The following FGF10 variants were observed in gnomAD, a reference collection of about 807,000 sequenced individuals.
FGF10 encodes FGF-10.
FGF10 carries 2 observed loss-of-function variants against 19.8 expected under a neutral mutation model. That is an observed-to-expected ratio of 0.10 (90% CI 0.04 to 0.32). FGF10 has a LOEUF of 0.32. Ranked by LOEUF, FGF10 falls within the 10% of genes least tolerant of loss-of-function variation. The probability of loss-of-function intolerance (pLI) is 1.00; values close to 1 mark genes in which losing one functional copy is unlikely to be tolerated. For synonymous variants in FGF10, 112 were observed against 94.0 expected, an observed-to-expected ratio of 1.19 and a Z score of -1.10; for missense variants, 191 against 246.3, an observed-to-expected ratio of 0.78 and a Z score of 1.50.
chr5:44,313,030 C>G (rs368050894), intron 1 of FGF10, among the ~76,000 whole-genome samples: 7 of 152,004 alleles, frequency 4.6e-5, no homozygotes, highest in African/African-American at 1.7e-4. Context: ...TTCAAAGACT[C>G]AATCAACCAT....
intron 1 of FGF10, among the ~76,000 whole-genome samples, chr5:44,337,035 AAGAT>A (rs1387444796): frequency 6.6e-6 from 1 of 152,170 alleles, no homozygotes; most frequent in African/African-American, 2.4e-5. Context: ...TATCTTAAAT[AAGAT>A]AGAGTACCAC....
intron 1 of FGF10, among the ~76,000 whole-genome samples, chr5:44,335,193 A>G (rs1740818887): frequency 6.6e-6 from 1 of 152,048 alleles, no homozygotes; most frequent in African/African-American, 2.4e-5. Context: ...TGTGGCTCAT[A>G]ACATAACAAT....
At chr5:44,327,685 A>G (rs1740644849) in intron 1 of FGF10, among the ~76,000 whole-genome samples, 1 of 152,176 alleles carries the variant, frequency 6.6e-6, no homozygotes, top group South Asian at 2.1e-4. Flanking sequence ...TCCTCTAGAC[A>G]ACAAACAGCT....
At chr5:44,352,839 A>T (rs1741265238) in intron 1 of FGF10, among the ~76,000 whole-genome samples, 2 of 151,602 alleles carry the variant, frequency 1.3e-5, no homozygotes, top group African/African-American at 4.8e-5. Flanking sequence ...CTGAGATTTG[A>T]ACGAGTTAAT....
At chr5:44,317,719 T>C (rs979213024) in intron 1 of FGF10, among the ~76,000 whole-genome samples, 1 of 152,186 alleles carries the variant, frequency 6.6e-6, no homozygotes. Context: ...TTTGGTAAAC[T>C]TGACTTTTTT....
At chr5:44,327,290 T>C (rs1373083643) in intron 1 of FGF10, among the ~76,000 whole-genome samples, 1 of 152,176 alleles carries the variant, frequency 6.6e-6, no homozygotes, top group African/African-American at 2.4e-5. Context: ...TCTTGTGACT[T>C]GTATGCTATA....
At chr5:44,329,863 C>T (rs185885711) in intron 1 of FGF10, among the ~76,000 whole-genome samples, 31 of 152,214 alleles carry the variant, frequency 2.0e-4, no homozygotes, top group Admixed American at 8.5e-4. Context: ...TGTGAATTTG[C>T]GCTAAATTCC....
At chr5:44,347,479 G>T (rs529779168) in intron 1 of FGF10, among the ~76,000 whole-genome samples, 1 of 151,648 alleles carries the variant, frequency 6.6e-6, no homozygotes, top group Non-Finnish European at 1.5e-5. Flanking sequence ...ACATCTTAGG[G>T]CAGTATGAAT....
At chr5:44,317,435 C>T (rs1740375995) in intron 1 of FGF10, among the ~76,000 whole-genome samples, 1 of 152,138 alleles carries the variant, frequency 6.6e-6, no homozygotes, top group Admixed American at 6.6e-5. Context: ...GATCCCAAAA[C>T]ACTTGTCAAT....
At chr5:44,357,064 G>GT (rs1741365178) in intron 1 of FGF10, among the ~76,000 whole-genome samples, 1 of 151,132 alleles carries the variant, frequency 6.6e-6, no homozygotes, top group African/African-American at 2.4e-5. Context: ...GTATGTGTAG[G>GT]TAAGAGATGC....
chr5:44,388,841 ACTC>A lies in FGF10; in HGVS notation c.-162_-160del. On this transcript the variant is annotated 5_prime_UTR_variant, in exon 1 of 3. Coordinates refer to ENST00000264664, the MANE Select transcript of FGF10 (RefSeq NM_004465.2). ...AGAAGTGAATGCACCAACATCCATA[ACTC>A]CTCGGAAAAGCCGGCTGACTCCCCT... 1.4e-6 allele frequency: 1 copy of A among 737,018 alleles called. No homozygotes were observed. Among genetic ancestry groups the A allele is most frequent in the Admixed American group, 2.1e-5 (1 of 48,572 alleles). 45.7% of individuals were successfully genotyped at this position (737,018 alleles called of 1,614,324 possible).
At chr5:44,337,613 T>C (rs1008423105) in intron 1 of FGF10, among the ~76,000 whole-genome samples, 1 of 152,156 alleles carries the variant, frequency 6.6e-6, no homozygotes, top group Non-Finnish European at 1.5e-5. Flanking sequence ...GAAAATAAAA[T>C]GGTCAGAGAT....
At chr5:44,320,358 T>G (rs1740455429) in intron 1 of FGF10, among the ~76,000 whole-genome samples, 1 of 152,198 alleles carries the variant, frequency 6.6e-6, no homozygotes, top group African/African-American at 2.4e-5. Flanking sequence ...TTTCCTGCAC[T>G]GTGCACTTGT....
intron 1 of FGF10, among the ~76,000 whole-genome samples, chr5:44,326,565 A>T (rs1579907144): frequency 6.9e-6 from 1 of 145,190 alleles, no homozygotes; most frequent in Non-Finnish European, 1.5e-5. Flanking sequence ...TGCCCAGCTA[A>T]TTTTTTTTTT....
At chr5:44,352,242 T>C (rs1448037) in intron 1 of FGF10, among the ~76,000 whole-genome samples, 100,088 of 151,360 alleles carry the variant, frequency 0.66, 33,301 homozygotes, top group South Asian at 0.71. Context: ...AATTCTTTGA[T>C]TGAAATCTTG....
intron 1 of FGF10, among the ~76,000 whole-genome samples, chr5:44,319,612 C>T (rs1422552639): frequency 6.6e-6 from 1 of 152,154 alleles, no homozygotes; most frequent in African/African-American, 2.4e-5. Context: ...ATTTGACAAG[C>T]TTCCAACATG....
chr5:44,374,128 C>T (rs1180388083), intron 1 of FGF10, among the ~76,000 whole-genome samples: 2 of 152,164 alleles, frequency 1.3e-5, no homozygotes, highest in Admixed American at 1.3e-4. Context: ...TTCCTTTCCT[C>T]TTCCAGTCTC....
In FGF10 at chr5:44,304,781, C is replaced by T; in HGVS notation, c.*214G>A. 1 of 569,604 alleles carries T rather than the reference C, an allele frequency of 1.8e-6. No individual in the cohort carries two copies. The allele number at this position is 569,604 out of a possible 1,614,324, so 35.3% of individuals were successfully genotyped here. On this transcript the variant is annotated 3_prime_UTR_variant, in exon 3 of 3. Coordinates refer to ENST00000264664, the MANE Select transcript of FGF10 (RefSeq NM_004465.2). ...ATAACTTCTATCCCATTCGATCTGC[C>T]TATATCTTGATTATAAGACATGACA...
intron 1 of FGF10, among the ~76,000 whole-genome samples, chr5:44,378,083 G>A (rs1316623556): frequency 6.6e-6 from 1 of 152,120 alleles, no homozygotes; most frequent in Admixed American, 6.5e-5. Context: ...AAAATCATGT[G>A]TTGGGGGTAA....
Sources: gnomAD v4.1 joint callset for allele counts (sites outside exome capture counted in the v4.1 genomes callset) on GRCh38, gnomAD v4.1.1 for gene constraint, MANE v1.5 for transcripts, NCBI Gene and HGNC (gene_info 2026-07-23, HGNC 2026-07-21) for gene names.